The following BMPR1B variants were observed in gnomAD, a reference collection of about 807,000 sequenced individuals.
The protein encoded by BMPR1B is bone morphogenetic protein receptor type 1B.
Under a neutral mutation model 59.1 loss-of-function variants are expected in BMPR1B, and 12 were observed. The observed-to-expected ratio is 0.20, with a 90% CI of 0.13 to 0.33. BMPR1B has a LOEUF of 0.33. BMPR1B is among the 10% of genes least tolerant of loss of function. BMPR1B has a pLI of 1.00. For synonymous variants in BMPR1B, 237 were observed against 207.3 expected (o/e 1.14, Z -1.23); for missense variants, 550 against 610.9 (o/e 0.90, Z 1.05).
chr4:94,858,112 A>AT (rs11400695), intron 1 of BMPR1B, among the ~76,000 whole-genome samples: 90,369 of 147,332 alleles, frequency 0.61, 28,343 homozygotes, highest in African/African-American at 0.77. Context: ...CGCCTGGCTA[A>AT]TTTTTTTTTT....
At chr4:94,797,228 A>G (rs894544652) in intron 1 of BMPR1B, among the ~76,000 whole-genome samples, 4 of 152,214 alleles carry the variant, frequency 2.6e-5, no homozygotes, top group African/African-American at 4.8e-5. Flanking sequence ...ACTGGCCCCC[A>G]TGATTCAATT....
intron 3 of BMPR1B, among the ~76,000 whole-genome samples, chr4:95,093,414 CCTGCTGAGGTTTATAATTCTATGT>C (rs11267257): frequency 0.95 from 143,724 of 151,124 alleles, 68,381 homozygotes; most frequent in Middle Eastern, 0.99. Flanking sequence ...AATTACTATT[CCTGCTGAGGTTTATAATTCTATGT>C]CTGCTGAGGT....
intron 3 of BMPR1B, among the ~76,000 whole-genome samples, chr4:95,010,969 A>G (rs979683645): frequency 6.6e-6 from 1 of 152,228 alleles, no homozygotes; most frequent in African/African-American, 2.4e-5. Flanking sequence ...AACTGTAAAT[A>G]ATTGTAGAAA....
chr4:95,072,935 A>G (rs1003608948), intron 3 of BMPR1B, among the ~76,000 whole-genome samples: 3 of 152,174 alleles, frequency 2.0e-5, no homozygotes, highest in Non-Finnish European at 4.4e-5. Flanking sequence ...TTGAGTTAAT[A>G]TTCATCTTCT....
chr4:95,131,623 G>T, intron 10 of BMPR1B, 111 bp downstream of exon 10: 5 of 1,292,104 alleles, frequency 3.9e-6, no homozygotes, highest in Non-Finnish European at 5.4e-6. Flanking sequence ...CATTAATTTT[G>T]ACATTTGACG....
chr4:95,032,248 T>TGG, intron 3 of BMPR1B, among the ~76,000 whole-genome samples: 1 of 151,888 alleles, frequency 6.6e-6, no homozygotes, highest in South Asian at 2.1e-4. Context: ...CTCACATGAC[T>TGG]GGGGGAGAGA....
chr4:95,063,117 C>G (rs1210313781), intron 3 of BMPR1B, among the ~76,000 whole-genome samples: 1 of 151,932 alleles, frequency 6.6e-6, no homozygotes, highest in Non-Finnish European at 1.5e-5. Flanking sequence ...AATGAATCAC[C>G]TTATTATCCT....
intron 2 of BMPR1B, among the ~76,000 whole-genome samples, chr4:94,892,715 C>T (rs1396175082): frequency 6.6e-6 from 1 of 150,798 alleles, no homozygotes; most frequent in Non-Finnish European, 1.5e-5. Flanking sequence ...GAGAAATATC[C>T]CAGATCATTT....
intron 3 of BMPR1B, among the ~76,000 whole-genome samples, chr4:95,052,577 AC>A (rs1278182780): frequency 6.6e-6 from 1 of 151,982 alleles, no homozygotes; most frequent in East Asian, 1.9e-4. Flanking sequence ...AGCTTTATGT[AC>A]TTGTGGATGC....
At chr4:95,082,227 A>G (rs948276946) in intron 3 of BMPR1B, among the ~76,000 whole-genome samples, 75 of 145,726 alleles carry the variant, frequency 5.1e-4, no homozygotes, top group African/African-American at 1.9e-3. Flanking sequence ...TTTTTTTAAC[A>G]TAGTAAATAT....
intron 3 of BMPR1B, among the ~76,000 whole-genome samples, chr4:95,089,662 C>T (rs1185139342): frequency 6.6e-6 from 1 of 151,996 alleles, no homozygotes; most frequent in African/African-American, 2.4e-5. Context: ...CTGTGTGTGC[C>T]ATGCCCAGAT....
intron 2 of BMPR1B, among the ~76,000 whole-genome samples, chr4:94,894,638 A>T (rs1046523547): frequency 2.5e-4 from 38 of 152,030 alleles, no homozygotes; most frequent in African/African-American, 8.9e-4. Context: ...AGAACGGTTT[A>T]AAAGATATTT....
intron 1 of BMPR1B, among the ~76,000 whole-genome samples, chr4:94,769,800 T>C (rs1032492312): frequency 6.6e-6 from 1 of 152,214 alleles, no homozygotes; most frequent in Non-Finnish European, 1.5e-5. Flanking sequence ...AATTGGTGTT[T>C]TACGATTTTA....
At chr4:94,909,969 AAC>A (rs1426093805) in intron 2 of BMPR1B, among the ~76,000 whole-genome samples, 3 of 152,098 alleles carry the variant, frequency 2.0e-5, no homozygotes, top group Non-Finnish European at 4.4e-5. Flanking sequence ...TTTGTTTGCC[AAC>A]ACCCTCATAG....
intron 3 of BMPR1B, among the ~76,000 whole-genome samples, chr4:95,067,861 C>A (rs900747601): frequency 2.0e-5 from 3 of 152,052 alleles, no homozygotes; most frequent in Admixed American, 1.3e-4. Context: ...CAAACAAATA[C>A]AAAGAATACT....
At chr4:95,031,579 T>C (rs1167916847) in intron 3 of BMPR1B, among the ~76,000 whole-genome samples, 1 of 152,022 alleles carries the variant, frequency 6.6e-6, no homozygotes, top group Non-Finnish European at 1.5e-5. Context: ...CCACCTCAGC[T>C]TTTCAAGTAG....
chr4:95,048,863 C>A (rs1357311988), intron 3 of BMPR1B, among the ~76,000 whole-genome samples: 3 of 152,044 alleles, frequency 2.0e-5, no homozygotes, highest in Non-Finnish European at 2.9e-5. Flanking sequence ...ACCAAGTAGT[C>A]AGGGGCCTAA....
At chr4:94,843,058 G>A (rs1560511419) in intron 1 of BMPR1B, among the ~76,000 whole-genome samples, 1 of 151,992 alleles carries the variant, frequency 6.6e-6, no homozygotes, top group Non-Finnish European at 1.5e-5. Flanking sequence ...CTGTTTTAAT[G>A]TTTAAAACAT....
chr4:94,876,077 CTG>C (rs1726720023), intron 2 of BMPR1B, among the ~76,000 whole-genome samples, 177 bp downstream of exon 2: 1 of 152,104 alleles, frequency 6.6e-6, no homozygotes, highest in African/African-American at 2.4e-5. Context: ...GATAAGGAAA[CTG>C]ATGTAAATCA....
Sources: gnomAD v4.1 joint callset for allele counts (sites outside exome capture counted in the v4.1 genomes callset) on GRCh38, gnomAD v4.1.1 for gene constraint, MANE v1.5 for transcripts, NCBI Gene and HGNC (gene_info 2026-07-23, HGNC 2026-07-21) for gene names.